The following FOXP1 variants were observed in gnomAD, a reference collection of about 807,000 sequenced individuals.
The protein encoded by FOXP1 is forkhead box P1.
FOXP1 carries 15 observed loss-of-function variants against 98.2 expected under a neutral mutation model. The observed-to-expected ratio is 0.15, with a 90% CI of 0.10 to 0.24. FOXP1 has a LOEUF of 0.24. FOXP1 is among the 10% of genes least tolerant of loss of function. The probability of loss-of-function intolerance (pLI) is 1.00; values close to 1 mark genes in which losing one functional copy is unlikely to be tolerated. For synonymous variants in FOXP1, 371 were observed against 314.5 expected, an observed-to-expected ratio of 1.18 and a Z score of -1.90; for missense variants, 633 against 848.5, an observed-to-expected ratio of 0.75 and a Z score of 3.15.
intron 4 of FOXP1, among the ~76,000 whole-genome samples, chr3:71,300,399 T>TA (rs1390334385): frequency 2.0e-5 from 3 of 152,206 alleles, no homozygotes; most frequent in South Asian, 2.1e-4. Context: ...GGCAGGGAGT[T>TA]AATTGCTGGC....
chr3:71,068,227 G>A (rs1271602522), intron 7 of FOXP1, among the ~76,000 whole-genome samples: 1 of 152,144 alleles, frequency 6.6e-6, no homozygotes, highest in African/African-American at 2.4e-5. Context: ...GTGCACTTAA[G>A]AACAGATTAC....
chr3:71,346,077 C>T (rs906971995), intron 4 of FOXP1, among the ~76,000 whole-genome samples: 5 of 151,946 alleles, frequency 3.3e-5, no homozygotes, highest in Non-Finnish European at 7.4e-5. Context: ...CAAAAATGGC[C>T]ATAGGTCTAG....
intron 4 of FOXP1, among the ~76,000 whole-genome samples, chr3:71,343,151 T>A (rs546889712): frequency 7.7e-4 from 118 of 152,260 alleles, no homozygotes; most frequent in Non-Finnish European, 1.1e-3. Flanking sequence ...TCTGACACTT[T>A]CCCTGAGGTC....
At chr3:71,032,874 TCA>T (rs1474661288) in intron 11 of FOXP1, among the ~76,000 whole-genome samples, 1 of 152,174 alleles carries the variant, frequency 6.6e-6, no homozygotes, top group Non-Finnish European at 1.5e-5. Flanking sequence ...CCTTTTCCTC[TCA>T]AAGGGAAGGC....
rs377470035 is a variant in FOXP1 at position 71,397,008 on chromosome 3, G to GTATATA, written c.-167-37770_-167-37765dup. Among the ~76,000 whole-genome samples, 7 of 20,376 alleles carry GTATATA rather than the reference G, an allele frequency of 3.4e-4. 2 individuals carry two copies. Among genetic ancestry groups the GTATATA allele is most frequent in the Non-Finnish European group, 1.0e-3 (7 of 7,016 alleles). 13.4% of individuals were successfully genotyped at this position (20,376 alleles called of 152,430 possible). A position where few individuals can be genotyped will look rare whatever the true frequency, so the allele number is the denominator to read the frequency against. ...TGTATATATATACACATATATATGTGTATATATATATATATACATATATAT... is the reference window on the plus strand; with the variant it reads ...TGTATATATATACACATATATATGTGTATATATATATATATATATATACATATATAT... On this transcript the variant is annotated intron_variant, in intron 3 of 20. Coordinates refer to ENST00000649528, the MANE Select transcript of FOXP1 (RefSeq NM_001349338.3).
At chr3:71,310,901 A>G (rs1165399441) in intron 4 of FOXP1, among the ~76,000 whole-genome samples, 1 of 152,232 alleles carries the variant, frequency 6.6e-6, no homozygotes, top group African/African-American at 2.4e-5. Context: ...TCATGGCCAC[A>G]TCTGGCTCTT....
At chr3:71,415,546 A>C (rs2083148608) in intron 3 of FOXP1, among the ~76,000 whole-genome samples, 1 of 152,192 alleles carries the variant, frequency 6.6e-6, no homozygotes, top group Non-Finnish European at 1.5e-5. Flanking sequence ...TTTCACAGAG[A>C]AGGACACTGA....
chr3:71,579,520 A>T (rs1233383186), intron 2 of FOXP1, among the ~76,000 whole-genome samples: 1 of 152,226 alleles, frequency 6.6e-6, no homozygotes, highest in African/African-American at 2.4e-5. Flanking sequence ...TCAATCTAAA[A>T]AAAGAGGTTG....
chr3:70,985,158 T>G (rs1348908515), intron 14 of FOXP1, among the ~76,000 whole-genome samples: 1 of 152,236 alleles, frequency 6.6e-6, no homozygotes, highest in African/African-American at 2.4e-5. Flanking sequence ...GGTTGTAACA[T>G]GAAAGTCCCC....
At chr3:71,115,649 T>C (rs956185283) in intron 6 of FOXP1, among the ~76,000 whole-genome samples, 7 of 151,664 alleles carry the variant, frequency 4.6e-5, no homozygotes, top group African/African-American at 1.5e-4. Context: ...AATTTTTAAA[T>C]AGTCAAGTCT....
intron 6 of FOXP1, among the ~76,000 whole-genome samples, chr3:71,177,878 G>A (rs886962156): frequency 3.5e-5 from 4 of 113,810 alleles, no homozygotes; most frequent in Non-Finnish European, 6.7e-5. Context: ...GTCTCGCTCT[G>A]TTGCCCAAGC....
intron 4 of FOXP1, among the ~76,000 whole-genome samples, chr3:71,348,117 GTC>G (rs893872553): frequency 6.6e-6 from 1 of 151,844 alleles, no homozygotes; most frequent in African/African-American, 2.4e-5. Context: ...TGTGAATGTG[GTC>G]TCTCTCTCTC....
intron 3 of FOXP1, among the ~76,000 whole-genome samples, chr3:71,450,328 T>C (rs1477321005): frequency 2.0e-5 from 3 of 152,230 alleles, no homozygotes; most frequent in Non-Finnish European, 4.4e-5. Flanking sequence ...CTCTACATAC[T>C]GATAAGGAAT....
rs376048768 is a variant in FOXP1, at chr3:71,003,648, G to A, written c.975-2589C>T. On this transcript the variant is annotated intron_variant, in intron 12 of 20. Transcript: ENST00000649528. ...AATAAGTAGCTTGCCGGCAGACAAC[G>A]TATTTCATGATTTATATAAAATGGT... Among the ~76,000 whole-genome samples, 6 of 152,064 alleles carry A rather than the reference G, an allele frequency of 3.9e-5. 1 individual carries two copies. The highest frequency in any genetic ancestry group is 3.8e-4 in the East Asian group (2 of 5,200).
intron 13 of FOXP1, among the ~76,000 whole-genome samples, 174 bp downstream of exon 13, chr3:71,000,798 A>G (rs1156363260): frequency 6.3e-5 from 9 of 143,430 alleles, no homozygotes; most frequent in Non-Finnish European, 1.2e-4. Context: ...GAGGTAAAAA[A>G]TAAAATAAAA....
In FOXP1 at chr3:70,958,101, G is replaced by A. The variant is rs2032254773; in HGVS notation, c.*1146C>T. 1.8e-5 allele frequency: 6 copies of A among 330,820 alleles called. No homozygotes were observed. The Admixed American group carries it at 2.5e-4, about 14-fold the overall frequency. 20.5% of individuals were successfully genotyped at this position (330,820 alleles called of 1,614,324 possible). A position where few individuals can be genotyped will look rare whatever the true frequency, so the allele number is the denominator to read the frequency against. ...AGGGAGAGCCTTCCAAGGCCATATT[G>A]TCAGTCTAATTAATATGAGCTTTTT... On this transcript the variant is annotated 3_prime_UTR_variant, in exon 21 of 21. Transcript: ENST00000649528.
intron 10 of FOXP1, among the ~76,000 whole-genome samples, chr3:71,046,017 A>C (rs149232581): frequency 1.3e-5 from 2 of 152,230 alleles, no homozygotes; most frequent in East Asian, 3.9e-4. Context: ...GCATAGATGG[A>C]GGAATTGTGT....
chr3:70,969,858 G>C (rs532038395), intron 19 of FOXP1: 24 of 143,138 alleles, frequency 1.7e-4, no homozygotes, highest in African/African-American at 6.4e-4. Context: ...TATGCTTCTC[G>C]AACAGTCTGG....
At chr3:71,462,121 T>TG (rs1161293567) in intron 3 of FOXP1, among the ~76,000 whole-genome samples, 1 of 152,214 alleles carries the variant, frequency 6.6e-6, no homozygotes, top group Non-Finnish European at 1.5e-5. Context: ...CTTACAGGAC[T>TG]GCACATAAAC....
Sources: allele counts gnomAD v4.1 joint callset (sites outside exome capture counted in the v4.1 genomes callset), GRCh38; gene constraint gnomAD v4.1.1; transcripts MANE v1.5; gene names NCBI Gene and HGNC (gene_info 2026-07-23, HGNC 2026-07-21).